The following DACH2 variants were observed in gnomAD, a reference collection of about 807,000 sequenced individuals.
DACH2 encodes dachshund homolog 2.
A neutral mutation model predicts 35.8 loss-of-function variants in DACH2; 17 were observed. The ratio of observed to expected loss-of-function variants is 0.48; its 90% CI spans 0.33 to 0.71. DACH2 has a LOEUF of 0.71. DACH2 is among the 30% of genes least tolerant of loss of function. The pLI, the probability that DACH2 is intolerant of heterozygous loss-of-function variation, is 0.02. For synonymous variants in DACH2, 195 were observed against 177.3 expected, an observed-to-expected ratio of 1.10 and a Z score of -0.79; for missense variants, 469 against 472.7, an observed-to-expected ratio of 0.99 and a Z score of 0.07.
Position 86,148,779 on chromosome X carries a change from C to T in DACH2, c.159C>T (p.Asn53=). ...INSFVVNNHS[N]SAGGGGRGNT... ...GTTTCGTGGTTAATAACCACAGCAA[C>T]AGTGCCGGAGGCGGCGGCAGGGGCA... The change falls in exon 1 of 12, where the codon AAC becomes AAT. Residue 53 remains asparagine, a synonymous_variant. Coordinates refer to ENST00000373125, the MANE Select transcript of DACH2 (RefSeq NM_053281.3). 1 of 1,211,629 alleles carries T rather than the reference C, an allele frequency of 8.3e-7. No individual in the cohort carries two copies. The highest frequency in any genetic ancestry group is 2.2e-5 in the Admixed American group (1 of 46,042).
chrX:86,437,742 G>A (rs2148179165), intron 2 of DACH2, among the ~76,000 whole-genome samples: 1 of 110,676 alleles, frequency 9.0e-6, no homozygotes, highest in South Asian at 3.8e-4. Flanking sequence ...ATTAACCTGT[G>A]AGTGCAGATA....
intron 1 of DACH2, among the ~76,000 whole-genome samples, chrX:86,221,178 G>A (rs1286002168): frequency 9.0e-6 from 1 of 111,162 alleles, no homozygotes; most frequent in Non-Finnish European, 1.9e-5. Context: ...TCCTCTACGA[G>A]TTTTATAGCT....
chrX:86,358,431 C>CCACACA (rs752012562), intron 1 of DACH2, among the ~76,000 whole-genome samples: 96 of 87,535 alleles, frequency 1.1e-3, no homozygotes, highest in South Asian at 3.5e-3. Flanking sequence ...CCCAGCCCCG[C>CCACACA]CACACACACA....
At chrX:86,615,325 G>A (rs1396118850) in intron 3 of DACH2, among the ~76,000 whole-genome samples, 4 of 111,587 alleles carry the variant, frequency 3.6e-5, no homozygotes, top group African/African-American at 9.7e-5. Context: ...CACTGTGAAT[G>A]AATATTGTTG....
intron 1 of DACH2, among the ~76,000 whole-genome samples, chrX:86,294,715 C>T (rs762356585): frequency 1.8e-5 from 2 of 108,524 alleles, no homozygotes; most frequent in South Asian, 8.1e-4. Context: ...TGGGGGGTGC[C>T]TCCCAGTTAG....
At chrX:86,514,873 G>A (rs1443034137) in intron 3 of DACH2, among the ~76,000 whole-genome samples, 3 of 111,538 alleles carry the variant, frequency 2.7e-5, no homozygotes, top group Non-Finnish European at 3.8e-5. Flanking sequence ...AGAAGAAGGT[G>A]CAGGTGGTCA....
At chrX:86,308,458 A>G (rs2034734126) in intron 1 of DACH2, among the ~76,000 whole-genome samples, 2 of 112,234 alleles carry the variant, frequency 1.8e-5, no homozygotes, top group Non-Finnish European at 3.8e-5. Context: ...AGTGAAATTG[A>G]TGGGAAGCTT....
At chrX:86,549,652 T>G (rs1156667628) in intron 3 of DACH2, among the ~76,000 whole-genome samples, 1 of 110,790 alleles carries the variant, frequency 9.0e-6, no homozygotes, top group Non-Finnish European at 1.9e-5. Flanking sequence ...TTCTGAAGAC[T>G]TTTTGTACCT....
chrX:86,504,485 T>C (rs2038295310), intron 2 of DACH2, among the ~76,000 whole-genome samples: 1 of 103,706 alleles, frequency 9.6e-6, no homozygotes, highest in African/African-American at 3.8e-5. Flanking sequence ...ATCTTATTTA[T>C]TTATTTATTT....
chrX:86,506,526 G>A (rs948445297), intron 2 of DACH2, among the ~76,000 whole-genome samples: 11 of 111,285 alleles, frequency 9.9e-5, no homozygotes, highest in East Asian at 8.5e-4. Context: ...CCTGAGTAGC[G>A]AGGACTACAG....
At chrX:86,496,718 T>G (rs1030670372) in intron 2 of DACH2, among the ~76,000 whole-genome samples, 14 of 110,169 alleles carry the variant, frequency 1.3e-4, no homozygotes, top group African/African-American at 4.6e-4. Context: ...GTTTATTACT[T>G]ACAGAATTCA....
chrX:86,422,298 A>G (rs976847267), intron 2 of DACH2, among the ~76,000 whole-genome samples: 1 of 111,205 alleles, frequency 9.0e-6, no homozygotes, highest in African/African-American at 3.3e-5. Context: ...GGATAGTTTC[A>G]AAAGACTATT....
At chrX:86,239,329 G>A (rs1448147223) in intron 1 of DACH2, among the ~76,000 whole-genome samples, 1 of 111,323 alleles carries the variant, frequency 9.0e-6, no homozygotes, top group Non-Finnish European at 1.9e-5. Context: ...AACATTATTA[G>A]CATGCAGAAG....
chrX:86,485,537 A>T (rs1220458655), intron 2 of DACH2, among the ~76,000 whole-genome samples: 1 of 111,775 alleles, frequency 8.9e-6, no homozygotes, highest in Non-Finnish European at 1.9e-5. Flanking sequence ...CAAAGAAATT[A>T]TAAATGTTTA....
At chrX:86,659,769 T>G (rs910888786) in intron 4 of DACH2, among the ~76,000 whole-genome samples, 8 of 112,018 alleles carry the variant, frequency 7.1e-5, no homozygotes, top group African/African-American at 1.3e-4. Flanking sequence ...GTGCCTTGGT[T>G]ACAATGAACG....
At chrX:86,681,103 A>T (rs2040876799) in intron 4 of DACH2, among the ~76,000 whole-genome samples, 1 of 111,295 alleles carries the variant, frequency 9.0e-6, no homozygotes, top group African/African-American at 3.3e-5. Context: ...ATCTTGCTTG[A>T]TATAATTTTC....
At chrX:86,150,635 C>T (rs1341124998) in intron 1 of DACH2, among the ~76,000 whole-genome samples, 1 of 111,867 alleles carries the variant, frequency 8.9e-6, no homozygotes, top group Non-Finnish European at 1.9e-5. Context: ...TTTATTATAT[C>T]AGCTTTTCTT....
chrX:86,491,808 G>A (rs1292049020), intron 2 of DACH2, among the ~76,000 whole-genome samples: 2 of 111,487 alleles, frequency 1.8e-5, no homozygotes, highest in Non-Finnish European at 3.8e-5. Context: ...CTTACCTGCT[G>A]GGTGACCTTT....
intron 3 of DACH2, among the ~76,000 whole-genome samples, chrX:86,621,650 A>T (rs1441891055): frequency 8.9e-6 from 1 of 111,833 alleles, no homozygotes; most frequent in Non-Finnish European, 1.9e-5. Context: ...CATGCTAGTC[A>T]GTCTCTCTTG....
Sources: allele counts gnomAD v4.1 joint callset (sites outside exome capture counted in the v4.1 genomes callset), GRCh38; gene constraint gnomAD v4.1.1; transcripts MANE v1.5; gene names NCBI Gene and HGNC (gene_info 2026-07-23, HGNC 2026-07-21).